ENTREP2: variants seen among roughly 807,000 people sequenced by gnomAD.
The protein encoded by ENTREP2 is protein ENTREP2.
chr15:29,464,295 A>G, the ENTREP2 span, among the ~76,000 whole-genome samples: 4 of 152,180 alleles, frequency 2.6e-5, no homozygotes, highest in African/African-American at 9.7e-5. Context: ...ACAGCTGAGA[A>G]ACGTGGAAGT....
At chr15:29,299,413 C>T in the ENTREP2 span, among the ~76,000 whole-genome samples, 1 of 152,156 alleles carries the variant, frequency 6.6e-6, no homozygotes, top group African/African-American at 2.4e-5. Flanking sequence ...CACCTTTTAC[C>T]TACCACTCAG....
chr15:29,136,884 C>A, the ENTREP2 span: 1 of 742,978 alleles, frequency 1.3e-6, no homozygotes, highest in Non-Finnish European at 2.0e-6. Context: ...AAAGGTGCCA[C>A]GGGGAACGCT....
chr15:29,343,027 T>TTGGG, the ENTREP2 span, among the ~76,000 whole-genome samples: 4 of 130,886 alleles, frequency 3.1e-5, no homozygotes, highest in Non-Finnish European at 4.9e-5. Flanking sequence ...TAAAAAGGAA[T>TTGGG]GGGGGGGGTG....
the ENTREP2 span, among the ~76,000 whole-genome samples, chr15:29,543,308 C>A: frequency 6.6e-6 from 1 of 152,210 alleles, no homozygotes; most frequent in African/African-American, 2.4e-5. Context: ...AAACTCACCA[C>A]TGCAGACATA....
chr15:29,407,357 CGTT>C, the ENTREP2 span, among the ~76,000 whole-genome samples: 1 of 152,292 alleles, frequency 6.6e-6, no homozygotes, highest in South Asian at 2.1e-4. Context: ...TTGAGGGAAG[CGTT>C]GGTGTGTGGT....
the ENTREP2 span, among the ~76,000 whole-genome samples, chr15:29,497,334 G>A: frequency 6.6e-6 from 1 of 152,174 alleles, no homozygotes; most frequent in Non-Finnish European, 1.5e-5. Flanking sequence ...CGTTTGAGAA[G>A]CACTGGTATT....
chr15:29,242,815 C>T, the ENTREP2 span, among the ~76,000 whole-genome samples: 5 of 152,216 alleles, frequency 3.3e-5, no homozygotes, highest in Non-Finnish European at 7.3e-5. Context: ...TGGACGAGGG[C>T]TGAGGGAAGG....
chr15:29,662,617 A>C, the ENTREP2 span, among the ~76,000 whole-genome samples: 1 of 151,916 alleles, frequency 6.6e-6, no homozygotes, highest in Non-Finnish European at 1.5e-5. Context: ...GCACAGGGCC[A>C]CCTCGCCCAG....
chr15:29,522,777 G>T, the ENTREP2 span, among the ~76,000 whole-genome samples: 1 of 152,118 alleles, frequency 6.6e-6, no homozygotes, highest in African/African-American at 2.4e-5. Context: ...CACCTAGAAG[G>T]CTGTTTTTAT....
chr15:29,134,310 A>T, the ENTREP2 span, among the ~76,000 whole-genome samples: 1 of 152,188 alleles, frequency 6.6e-6, no homozygotes, highest in Non-Finnish European at 1.5e-5. Flanking sequence ...TGACTAAAGG[A>T]TTCCTCTCCA....
the ENTREP2 span, among the ~76,000 whole-genome samples, chr15:29,206,844 C>A: frequency 6.6e-6 from 1 of 152,136 alleles, no homozygotes; most frequent in African/African-American, 2.4e-5. Flanking sequence ...TACCACCACA[C>A]GTAATTACTA....
At chr15:29,228,784 C>T in the ENTREP2 span, among the ~76,000 whole-genome samples, 1 of 151,996 alleles carries the variant, frequency 6.6e-6, no homozygotes, top group Non-Finnish European at 1.5e-5. Context: ...TAGAAATGTA[C>T]AAAAATATTG....
chr15:29,625,559 C>T, the ENTREP2 span, among the ~76,000 whole-genome samples: 3 of 151,984 alleles, frequency 2.0e-5, no homozygotes, highest in Admixed American at 6.6e-5. Context: ...CCACACCTGG[C>T]TAATTTTTGT....
chr15:29,362,840 T>G, the ENTREP2 span, among the ~76,000 whole-genome samples: 1 of 152,210 alleles, frequency 6.6e-6, no homozygotes. Flanking sequence ...AAAATTAGTA[T>G]TTTATCAACA....
chr15:29,312,693 T>C, the ENTREP2 span, among the ~76,000 whole-genome samples: 7 of 152,192 alleles, frequency 4.6e-5, no homozygotes, highest in African/African-American at 1.7e-4. Flanking sequence ...GAGAAATGCA[T>C]GTGTTCTGAT....
At chr15:29,619,668 G>A in the ENTREP2 span, among the ~76,000 whole-genome samples, 1 of 152,024 alleles carries the variant, frequency 6.6e-6, no homozygotes, top group Non-Finnish European at 1.5e-5. Flanking sequence ...AACTCTGACT[G>A]CTCAGGAAAG....
chr15:29,321,806 C>T, the ENTREP2 span, among the ~76,000 whole-genome samples: 1 of 151,826 alleles, frequency 6.6e-6, no homozygotes, highest in Non-Finnish European at 1.5e-5. Flanking sequence ...GGGAACAACA[C>T]ACACTGGGGC....
At chr15:29,429,944 C>T in the ENTREP2 span, among the ~76,000 whole-genome samples, 27,607 of 152,224 alleles carry the variant, frequency 0.18, 3,075 homozygotes, top group Middle Eastern at 0.37. Flanking sequence ...CCCACATACC[C>T]CATCTATACA....
At chr15:29,486,859 T>C in the ENTREP2 span, among the ~76,000 whole-genome samples, 45 of 151,966 alleles carry the variant, frequency 3.0e-4, no homozygotes, top group East Asian at 6.4e-3. Context: ...TATAGAAAAT[T>C]AGAATTGTGG....
Sources: allele counts gnomAD v4.1 joint callset (sites outside exome capture counted in the v4.1 genomes callset), GRCh38; gene constraint gnomAD v4.1.1; transcripts MANE v1.5; gene names NCBI Gene and HGNC (gene_info 2026-07-23, HGNC 2026-07-21).